The following SCAPER variants were observed in gnomAD, a reference collection of about 807,000 sequenced individuals.
SCAPER encodes S phase cyclin A-associated protein in the endoplasmic reticulum.
Under a neutral mutation model 182.2 loss-of-function variants are expected in SCAPER, and 98 were observed. That is an observed-to-expected ratio of 0.54 (90% CI 0.46 to 0.64). The LOEUF is 0.64. SCAPER is among the 30% of genes least tolerant of loss of function. SCAPER has a pLI of 0.00. For missense variants in SCAPER, 1,432 were observed against 1,690.0 expected, an observed-to-expected ratio of 0.85 and a Z score of 2.68; for synonymous variants, 605 against 564.6, an observed-to-expected ratio of 1.07 and a Z score of -1.01.
intron 21 of SCAPER, among the ~76,000 whole-genome samples, chr15:76,649,674 T>TCTG (rs1200056840): frequency 6.7e-6 from 1 of 149,964 alleles, no homozygotes; most frequent in Non-Finnish European, 1.5e-5. Flanking sequence ...ATGTGTGTTC[T>TCTG]CTGCTGATCA....
At chr15:76,401,362 C>T (rs2044442605) in intron 27 of SCAPER, among the ~76,000 whole-genome samples, 1 of 152,118 alleles carries the variant, frequency 6.6e-6, no homozygotes, top group African/African-American at 2.4e-5. Context: ...TACATTTGTT[C>T]TACTCCCTCG....
chr15:76,670,467 T>A lies in SCAPER; in HGVS notation c.2509-4678A>T, dbSNP rs1348972561. Among the ~76,000 whole-genome samples, 3 of 152,186 alleles carry A rather than the reference T, an allele frequency of 2.0e-5. No homozygotes were observed. The East Asian group carries it at 5.8e-4, about 29-fold the overall frequency. On this transcript the variant is annotated intron_variant, in intron 20 of 31. Coordinates refer to ENST00000563290, the MANE Select transcript of SCAPER (RefSeq NM_020843.4). ...GATAATTTTTAATTTTTCAATGTCA[T>A]AAGTAGTGCAACAAAATATTCCTAT...
At chr15:76,723,173 C>T (rs550116490) in intron 17 of SCAPER, among the ~76,000 whole-genome samples, 27 of 152,228 alleles carry the variant, frequency 1.8e-4, no homozygotes, top group African/African-American at 6.3e-4. Flanking sequence ...TTTCTGCCTT[C>T]ATTTCATTAT....
rs148696915 is a variant in SCAPER, at chr15:76,399,170, C to G, written c.3467+5354G>C. 2.8e-3 allele frequency among the ~76,000 whole-genome samples: 422 copies of G among 152,244 alleles called. 2 individuals carry two copies. The highest frequency in any genetic ancestry group is 9.7e-3 in the African/African-American group (403 of 41,534). On this transcript the variant is annotated intron_variant, in intron 27 of 31. Coordinates refer to ENST00000563290, the MANE Select transcript of SCAPER (RefSeq NM_020843.4). ...TCATTTTTTTTGAGATGGAGTCTCACACTGTTACCCAGGCTGGAGTGCAGT... is the reference window on the plus strand; with the variant it reads ...TCATTTTTTTTGAGATGGAGTCTCAGACTGTTACCCAGGCTGGAGTGCAGT...
At chr15:76,352,685 A>C (rs1328027085) in intron 30 of SCAPER, among the ~76,000 whole-genome samples, 1 of 151,788 alleles carries the variant, frequency 6.6e-6, no homozygotes, top group Non-Finnish European at 1.5e-5. Flanking sequence ...CCTGACCTCA[A>C]GTGATCTGCT....
At chr15:76,655,879 C>A (rs1231836778) in intron 21 of SCAPER, among the ~76,000 whole-genome samples, 1 of 152,102 alleles carries the variant, frequency 6.6e-6, no homozygotes, top group Non-Finnish European at 1.5e-5. Flanking sequence ...TTACCACAGA[C>A]TTGCCTTAAA....
chr15:76,714,352 T>G (rs1402516018), intron 17 of SCAPER, among the ~76,000 whole-genome samples: 1 of 152,158 alleles, frequency 6.6e-6, no homozygotes, highest in Non-Finnish European at 1.5e-5. Flanking sequence ...AATTTAACTG[T>G]TAATTTCAAT....
chr15:76,868,854 T>C lies in SCAPER; in HGVS notation c.7-6321A>G, dbSNP rs190148673. On this transcript the variant is annotated intron_variant, in intron 2 of 31. Coordinates refer to ENST00000563290, the MANE Select transcript of SCAPER (RefSeq NM_020843.4). ...CAAACCTGGGCAAAAAGAATAAAGC[T>C]GGAGACATCACAGTACCTGACTACA... Among the ~76,000 whole-genome samples, 4 of 152,124 alleles carry C rather than the reference T, an allele frequency of 2.6e-5. No individual in the cohort carries two copies. In the East Asian group the frequency reaches 7.7e-4, roughly 29 times the overall value.
At chr15:76,779,310 T>C (rs981707432) in intron 8 of SCAPER, among the ~76,000 whole-genome samples, 1 of 152,050 alleles carries the variant, frequency 6.6e-6, no homozygotes, top group Non-Finnish European at 1.5e-5. Context: ...CTTCTACAAG[T>C]ATAAAATAAC....
intron 26 of SCAPER, among the ~76,000 whole-genome samples, chr15:76,414,271 C>G (rs1184663990): frequency 2.0e-5 from 3 of 151,986 alleles, no homozygotes; most frequent in African/African-American, 7.2e-5. Flanking sequence ...AGAAGTAAAG[C>G]CATCTGTACC....
Position 76,594,752 on chromosome 15 carries a change from A to C in SCAPER, c.2712-20468T>G, listed in dbSNP as rs2049371799. On this transcript the variant is annotated intron_variant, in intron 22 of 31. Transcript: ENST00000563290. ...AAGCTTCATAAGCAAAGGAGAAATA[A>C]AATCCTTTACAGACAAGTAAATGCT... 1.6e-5 allele frequency among the ~76,000 whole-genome samples: 2 copies of C among 121,642 alleles called. 1 individual carries two copies. The highest frequency in any genetic ancestry group is 5.0e-5 in the African/African-American group (2 of 39,738). The allele number at this position is 121,642 out of a possible 152,430, so 79.8% of individuals were successfully genotyped here.
At chr15:76,876,694 A>G (rs1489871449) in intron 2 of SCAPER, among the ~76,000 whole-genome samples, 3 of 152,150 alleles carry the variant, frequency 2.0e-5, no homozygotes, top group Non-Finnish European at 4.4e-5. Context: ...AGCATGTAAT[A>G]AATTTCAATA....
At chr15:76,456,343 T>C (rs1446809489) in intron 25 of SCAPER, among the ~76,000 whole-genome samples, 3 of 152,216 alleles carry the variant, frequency 2.0e-5, no homozygotes, top group Non-Finnish European at 1.5e-5. Context: ...TGTTTCCTGA[T>C]GCTATATTTT....
intron 22 of SCAPER, among the ~76,000 whole-genome samples, chr15:76,587,131 T>C (rs2048726743): frequency 6.6e-6 from 1 of 152,168 alleles, no homozygotes; most frequent in South Asian, 2.1e-4. Context: ...ATCTTTTGTA[T>C]TTCTGTGGTG....
At chr15:76,873,308 A>T (rs2072883995) in intron 2 of SCAPER, among the ~76,000 whole-genome samples, 1 of 109,160 alleles carries the variant, frequency 9.2e-6, no homozygotes, top group East Asian at 2.7e-4. Context: ...GAAGGAAGGA[A>T]GGAAGGAAGG....
chr15:76,549,594 T>C (rs1206055938), intron 23 of SCAPER, among the ~76,000 whole-genome samples: 1 of 151,900 alleles, frequency 6.6e-6, no homozygotes, highest in Non-Finnish European at 1.5e-5. Context: ...CTGGGGACTG[T>C]TGTGGGGTAG....
At chr15:76,729,787 T>C (rs1300539765) in intron 16 of SCAPER, among the ~76,000 whole-genome samples, 2 of 151,990 alleles carry the variant, frequency 1.3e-5, no homozygotes, top group African/African-American at 2.4e-5. Context: ...TCTAAATAAT[T>C]ATCATCATCA....
intron 22 of SCAPER, among the ~76,000 whole-genome samples, chr15:76,598,771 GA>G (rs1270863389): frequency 8.4e-6 from 1 of 119,678 alleles, no homozygotes; most frequent in African/African-American, 2.5e-5. Flanking sequence ...TGGACACAGG[GA>G]AGGAAACATC....
chr15:76,617,767 C>G (rs1384858488), intron 22 of SCAPER, among the ~76,000 whole-genome samples: 1 of 152,142 alleles, frequency 6.6e-6, no homozygotes, highest in African/African-American at 2.4e-5. Context: ...TGGGCCAAAA[C>G]AAGTCACAGG....
Sources: gnomAD v4.1 joint callset for allele counts (sites outside exome capture counted in the v4.1 genomes callset) on GRCh38, gnomAD v4.1.1 for gene constraint, MANE v1.5 for transcripts, NCBI Gene and HGNC (gene_info 2026-07-23, HGNC 2026-07-21) for gene names.